WIPF2: variants seen among roughly 807,000 people sequenced by gnomAD.
WIPF2 encodes WAS/WASL interacting protein family member 2.
In WIPF2, 23 loss-of-function variants were observed where a neutral mutation model predicts 38.8. The observed-to-expected ratio is 0.59, with a 90% confidence interval of 0.43 to 0.84. The LOEUF is 0.84. WIPF2 is among the 40% of genes least tolerant of loss of function. The pLI is 0.00. For synonymous variants in WIPF2, 210 were observed against 223.2 expected (o/e 0.94, Z 0.53); for missense variants, 574 against 580.5 (o/e 0.99, Z 0.11).
Position 40,264,601 on chromosome 17 carries a change from G to C in WIPF2, c.425G>C (p.Arg142Pro). The change falls in exon 5 of 8, where the codon CGG (arginine) becomes CCG (proline). Residue 142 changes from arginine (R) to proline (P), a missense_variant. By Grantham distance (103) the Arg-to-Pro change is moderately radical. Coordinates refer to ENST00000323571, the MANE Select transcript of WIPF2 (RefSeq NM_133264.5). Reference protein sequence around the residue: ...GRPQDDTDSSRASLPELPRMQ... With the variant: ...GRPQDDTDSSPASLPELPRMQ... ...CCTCAGGATGATACAGACAGCAGCCGGGCCTCACTCCCAGAACTGCCCCGG... is the reference window on the plus strand; with the variant it reads ...CCTCAGGATGATACAGACAGCAGCCCGGCCTCACTCCCAGAACTGCCCCGG... 1 of 1,614,058 alleles carries C rather than the reference G, an allele frequency of 6.2e-7. No homozygotes were observed. The highest frequency in any genetic ancestry group is 1.1e-5 in the South Asian group (1 of 91,084).
chr17:40,274,132 T>C, intron 6 of WIPF2, 133 bp downstream of exon 6: 1 of 680,678 alleles, frequency 1.5e-6, no homozygotes, highest in Non-Finnish European at 2.3e-6. Flanking sequence ...GTTCTCCTGC[T>C]GACTTCATCC....
At chr17:40,220,109 T>G (rs941083305) in intron 1 of WIPF2, among the ~76,000 whole-genome samples, 1 of 151,712 alleles carries the variant, frequency 6.6e-6, no homozygotes, top group African/African-American at 2.4e-5. Context: ...TGAGGGTTCA[T>G]GTTGAAGTGG....
chr17:40,222,671 T>G (rs1288533634), intron 1 of WIPF2, among the ~76,000 whole-genome samples: 1 of 100,674 alleles, frequency 9.9e-6, no homozygotes, highest in Non-Finnish European at 2.0e-5. Context: ...TTTTTTTTTT[T>G]TTTTTTTTTT....
chr17:40,245,836 T>C (rs373935818), intron 1 of WIPF2, among the ~76,000 whole-genome samples: 9 of 152,308 alleles, frequency 5.9e-5, no homozygotes, highest in East Asian at 5.8e-4. Context: ...AAAAATACTT[T>C]GGCACTCAGT....
At position 40,278,355 on chromosome 17, in the gene WIPF2, C is replaced by A; in HGVS notation, c.*130C>A. On this transcript the variant is annotated 3_prime_UTR_variant, in exon 8 of 8. Transcript: ENST00000323571. ...CTCCAATGCAATCAAGCCCTAGACT[C>A]CAAATGTCCTCCCAGCTCACCTCCA... The A allele has an allele frequency of 1.9e-6, 2 of 1,072,228 alleles. No individual in the cohort carries two copies. Among genetic ancestry groups the A allele is most frequent in the Non-Finnish European group, 1.4e-6 (1 of 729,902 alleles). 66.4% of individuals were successfully genotyped at this position (1,072,228 alleles called of 1,614,324 possible).
In WIPF2 at chr17:40,219,362, G is replaced by GGGCGGTGGCGGCGGC. The variant is rs1555557729; in HGVS notation, c.-194_-180dup. 1.3e-5 allele frequency: 5 copies of GGGCGGTGGCGGCGGC among 378,386 alleles called. No homozygotes were observed. Among genetic ancestry groups the GGGCGGTGGCGGCGGC allele is most frequent in the East Asian group, 6.8e-5 (1 of 14,672 alleles). 23.4% of individuals were successfully genotyped at this position (378,386 alleles called of 1,614,324 possible). ...AGATCCATTTCCGGGTTGGCAAAAG[G>GGGCGGTGGCGGCGGC]GGCGGTGGCGGCGGCGGCGGCGGCG... On this transcript the variant is annotated 5_prime_UTR_variant, in exon 1 of 8. Transcript: ENST00000323571.
At chr17:40,220,117 T>A (rs2030110248) in intron 1 of WIPF2, among the ~76,000 whole-genome samples, 1 of 151,262 alleles carries the variant, frequency 6.6e-6, no homozygotes, top group Non-Finnish European at 1.5e-5. Context: ...CATGTTGAAG[T>A]GGTGTGAAGT....
rs902204427 is a variant in WIPF2 at position 40,256,625 on chromosome 17, T to C, written c.63+103T>C. On this transcript the variant is annotated intron_variant, in intron 2 of 7. Transcript: ENST00000323571. ...TTTAACTCCTTTTGGTTAAAATTTC[T>C]AGATTTTCCTACTAGTAGCATTCCT... The C allele has an allele frequency of 4.3e-6, 6 of 1,405,902 alleles. No homozygotes were observed. The African/African-American group carries it at 8.9e-5, about 21-fold the overall frequency. The allele number at this position is 1,405,902 out of a possible 1,614,324, so 87.1% of individuals were successfully genotyped here. A position where few individuals can be genotyped will look rare whatever the true frequency, so the allele number is the denominator to read the frequency against.
At position 40,219,328 on chromosome 17, in the gene WIPF2, G is replaced by T. The variant is rs989325697; in HGVS notation, c.-234G>T. ...CATTTTGTTCGCGGACGCTGGGGAC[G>T]GTGGGAGCAGATCCATTTCCGGGTT... On this transcript the variant is annotated 5_prime_UTR_variant, in exon 1 of 8. Transcript: ENST00000323571. 1 of 334,990 alleles carries T rather than the reference G, an allele frequency of 3.0e-6. No individual in the cohort carries two copies. 20.8% of individuals were successfully genotyped at this position (334,990 alleles called of 1,614,324 possible).
At chr17:40,249,624 T>C (rs1356436824) in intron 1 of WIPF2, among the ~76,000 whole-genome samples, 1 of 151,362 alleles carries the variant, frequency 6.6e-6, no homozygotes, top group Non-Finnish European at 1.5e-5. Context: ...CGGCTAATTT[T>C]GTATGTTTGG....
chr17:40,278,139 G>C (rs1486346929), intron 7 of WIPF2, 46 bp from the exon 8 acceptor site: 1 of 1,593,394 alleles, frequency 6.3e-7, no homozygotes, highest in Non-Finnish European at 8.6e-7. Flanking sequence ...TTCAGATTCT[G>C]GTGGGTGACC....
intron 1 of WIPF2, among the ~76,000 whole-genome samples, chr17:40,251,772 T>G (rs1214757098): frequency 6.6e-6 from 1 of 152,208 alleles, no homozygotes; most frequent in African/African-American, 2.4e-5. Context: ...CTCCCACTCC[T>G]GGGACTTCAG....
At chr17:40,267,539 ATTTG>A (rs1309733167) in intron 5 of WIPF2, among the ~76,000 whole-genome samples, 8 of 151,858 alleles carry the variant, frequency 5.3e-5, no homozygotes, top group African/African-American at 7.3e-5. Context: ...TTATTTATTT[ATTTG>A]TTTGTTTGTG....
Position 40,273,885 on chromosome 17 carries a change from C to A in WIPF2, c.1066C>A (p.Arg356=). 6.3e-7 allele frequency: 1 copy of A among 1,575,790 alleles called. No individual in the cohort carries two copies. The highest frequency in any genetic ancestry group is 8.7e-7 in the Non-Finnish European group (1 of 1,155,956). ...YRMHGSEPPS[R]GKPPPPPSRT... is the part of the protein sequence containing the mutation. Reference sequence around the variant, plus strand: ...AATGCATGGGTCAGAACCCCCGAGCCGAGGAAAGCCCCCACCTCCACCCTC... The same window carrying A: ...AATGCATGGGTCAGAACCCCCGAGCAGAGGAAAGCCCCCACCTCCACCCTC... Residue 356 remains arginine, a synonymous_variant, in exon 6 of 8, where the codon CGA becomes AGA. Coordinates refer to ENST00000323571, the MANE Select transcript of WIPF2 (RefSeq NM_133264.5).
intron 1 of WIPF2, among the ~76,000 whole-genome samples, chr17:40,228,004 C>CTTTTTTTTTTT (rs763198849): frequency 1.7e-5 from 2 of 119,934 alleles, no homozygotes; most frequent in African/African-American, 3.5e-5. Context: ...TTTTATACCT[C>CTTTTTTTTTTT]TTTTTGTTTT....
rs770861042 is a variant in WIPF2, at chr17:40,256,438, G to A, written c.-22G>A. The A allele has an allele frequency of 6.2e-7, 1 of 1,606,110 alleles. No individual in the cohort carries two copies. On this transcript the variant is annotated 5_prime_UTR_variant, in exon 2 of 8. Coordinates refer to ENST00000323571, the MANE Select transcript of WIPF2 (RefSeq NM_133264.5). ...CAAATAAAGACGGAGAGAGAACAGT[G>A]CCAACTGGGAGCAGGGCAAGAATGC...
chr17:40,270,393 C>T (rs139876057), intron 5 of WIPF2, among the ~76,000 whole-genome samples: 88 of 149,152 alleles, frequency 5.9e-4, no homozygotes, highest in African/African-American at 1.9e-3. Flanking sequence ...AGAAAAATAA[C>T]TGGATCTGAC....
intron 5 of WIPF2, among the ~76,000 whole-genome samples, chr17:40,266,601 C>T (rs57485318): frequency 7.9e-5 from 12 of 152,176 alleles, no homozygotes; most frequent in East Asian, 3.9e-4. Context: ...TTAAAGAGTT[C>T]GCTGTAAAGT....
intron 3 of WIPF2, among the ~76,000 whole-genome samples, 184 bp from the exon 4 acceptor site, chr17:40,262,341 C>T (rs989841861): frequency 5.3e-5 from 8 of 152,090 alleles, no homozygotes; most frequent in African/African-American, 1.9e-4. Context: ...TCTTGGCCTC[C>T]CAAAATGCTG....
Sources: gnomAD v4.1 joint callset for allele counts (sites outside exome capture counted in the v4.1 genomes callset) on GRCh38, gnomAD v4.1.1 for gene constraint, MANE v1.5 for transcripts, NCBI Gene and HGNC (gene_info 2026-07-23, HGNC 2026-07-21) for gene names.